ACAN: variants seen among roughly 807,000 people sequenced by gnomAD.
ACAN encodes aggrecan, also known as aggrecan core protein.
ACAN carries 47 observed loss-of-function variants against 169.1 expected under a neutral mutation model. That is an observed-to-expected ratio of 0.28 (90% CI 0.22 to 0.35). ACAN has a LOEUF of 0.35. Ranked by LOEUF, ACAN falls within the 10% of genes least tolerant of loss-of-function variation. The pLI, the probability that ACAN is intolerant of heterozygous loss-of-function variation, is 1.00. For missense variants in ACAN, 2,716 were observed against 2,759.9 expected, an observed-to-expected ratio of 0.98 and a Z score of 0.36; for synonymous variants, 1,115 against 1,112.2, an observed-to-expected ratio of 1.00 and a Z score of -0.05.
rs1160808564 is a variant in ACAN, at chr15:88,845,880, G to A, written c.1427G>A (p.Gly476Glu). 3.4e-6 allele frequency: 5 copies of A among 1,450,922 alleles called. No individual in the cohort carries two copies. Among genetic ancestry groups the A allele is most frequent in the African/African-American group, 1.4e-5 (1 of 69,886 alleles). The allele number at this position is 1,450,922 out of a possible 1,614,324, so 89.9% of individuals were successfully genotyped here. The change falls in exon 7 of 19, where the codon GGG (glycine) becomes GAG (glutamate). Residue 476 changes from glycine to glutamate, a missense_variant and splice_region_variant. Coordinates refer to ENST00000560601, the MANE Select transcript of ACAN (RefSeq NM_001369268.1). ...TAVPGQPHLP[G>E]GVVFHYRPGP... ...GTCCCTGGGCAGCCGCATTTGCCAG[G>A]GGGTAAGTAGCTGCCCGTGGGTGCA...
chr15:88,805,124 T>G (rs749871435), intron 1 of ACAN, among the ~76,000 whole-genome samples: 2 of 152,210 alleles, frequency 1.3e-5, no homozygotes, highest in African/African-American at 2.4e-5. Flanking sequence ...GAGTCCAGAA[T>G]TCTTGGGTTC....
chr15:88,805,720 T>G (rs945295272), intron 1 of ACAN, among the ~76,000 whole-genome samples: 5 of 152,248 alleles, frequency 3.3e-5, no homozygotes, highest in African/African-American at 1.2e-4. Context: ...TTATTAATAT[T>G]ACTATTATCA....
rs137976779 is a variant in ACAN, at chr15:88,874,869, T to G, written c.*388T>G. The stretch of plus-strand genomic sequence containing the variant: ...CAAGAGCAGTGCAATCGTTGGTTAT[T>G]TCACCTCCAGGGAGAGCTAGGGAGG... On this transcript the variant is annotated 3_prime_UTR_variant, in exon 19 of 19. Coordinates refer to ENST00000560601, the MANE Select transcript of ACAN (RefSeq NM_001369268.1). The surrounding 1 kb of genome is among the most constrained non-coding windows in gnomAD (Gnocchi z 7.3). 6.0e-5 allele frequency: 21 copies of G among 352,392 alleles called. No individual in the cohort carries two copies. The highest frequency in any genetic ancestry group is 1.1e-4 in the Non-Finnish European group (19 of 180,242). 21.8% of individuals were successfully genotyped at this position (352,392 alleles called of 1,614,324 possible). A position where few individuals can be genotyped will look rare whatever the true frequency, so the allele number is the denominator to read the frequency against.
intron 1 of ACAN, among the ~76,000 whole-genome samples, chr15:88,812,117 A>C (rs1264776827): frequency 1.3e-5 from 2 of 152,164 alleles, no homozygotes; most frequent in African/African-American, 4.8e-5. Context: ...GGAGGAGCCT[A>C]GCCCTCGGGT....
chr15:88,858,918 C>T lies in ACAN; in HGVS notation c.6333C>T (p.Phe2111=), dbSNP rs1334810359. The T allele has an allele frequency of 8.1e-6, 13 of 1,608,922 alleles. No homozygotes were observed. The highest frequency in any genetic ancestry group is 2.7e-5 in the African/African-American group (2 of 74,680). The change falls in exon 12 of 19, where the codon TTC becomes TTT. Residue 2111 remains phenylalanine, a synonymous_variant. Coordinates refer to ENST00000560601, the MANE Select transcript of ACAN (RefSeq NM_001369268.1). This position sits in a 1 kb window ranked among gnomAD's most constrained non-coding sequence, Gnocchi z 4.0. ...CGTCCGCCTATCCTGAAGCTGGGTT[C>T]GGGGCATCTGCCGCCCCTGAGGCCA... ...SETSAYPEAG[F]GASAAPEASR...
Position 88,874,267 on chromosome 15 carries a change from A to C in ACAN, c.7631-138A>C. The C allele has an allele frequency of 9.3e-7, 1 of 1,074,998 alleles. No individual in the cohort carries two copies. Among genetic ancestry groups the C allele is most frequent in the East Asian group, 2.6e-5 (1 of 38,706 alleles). The allele number at this position is 1,074,998 out of a possible 1,614,324, so 66.6% of individuals were successfully genotyped here. A position where few individuals can be genotyped will look rare whatever the true frequency, so the allele number is the denominator to read the frequency against. ...AGCCAGAAAGTCCAAGAAAAATCCA[A>C]ATCAGGAAAGCCGATAAAGCCTCAG... On this transcript the variant is annotated intron_variant, in intron 18 of 18. Coordinates refer to ENST00000560601, the MANE Select transcript of ACAN (RefSeq NM_001369268.1). The surrounding 1 kb of genome is among the most constrained non-coding windows in gnomAD (Gnocchi z 7.3).
At chr15:88,834,102 C>G (rs1896439707) in intron 1 of ACAN, among the ~76,000 whole-genome samples, 1 of 152,158 alleles carries the variant, frequency 6.6e-6, no homozygotes, top group South Asian at 2.1e-4. Flanking sequence ...GGTGCCACAG[C>G]CTGCAGCCAG....
chr15:88,818,511 C>G (rs192428126), intron 1 of ACAN, among the ~76,000 whole-genome samples: 66 of 152,312 alleles, frequency 4.3e-4, no homozygotes, highest in African/African-American at 1.6e-3. Flanking sequence ...TCCCTTGTTT[C>G]TCTTATGGTG....
chr15:88,816,909 A>T (rs1389200904), intron 1 of ACAN, among the ~76,000 whole-genome samples: 2 of 152,218 alleles, frequency 1.3e-5, no homozygotes, highest in African/African-American at 4.8e-5. Flanking sequence ...TCTGTTGAAC[A>T]CAGTAACAGA....
intron 13 of ACAN, among the ~76,000 whole-genome samples, chr15:88,867,676 A>C (rs1270860305): frequency 2.6e-5 from 4 of 152,192 alleles, no homozygotes; most frequent in Non-Finnish European, 5.9e-5. Context: ...TTTCATATGG[A>C]TCTACACTCT....
chr15:88,852,221 G>C (rs1408764012), intron 11 of ACAN, among the ~76,000 whole-genome samples, 188 bp downstream of exon 11: 2 of 152,202 alleles, frequency 1.3e-5, no homozygotes, highest in Non-Finnish European at 2.9e-5. Context: ...CTGCCCCAGA[G>C]TGACAAAAAC....
chr15:88,847,237 A>G lies in ACAN; in HGVS notation c.1430-6A>G. 6.5e-7 allele frequency: 1 copy of G among 1,540,964 alleles called. No homozygotes were observed. Among genetic ancestry groups the G allele is most frequent in the African/African-American group, 1.4e-5 (1 of 72,954 alleles). ...TGAACCTGACCGCTCCCTCCTCCCCACCCAGGGGTCGTCTTCCACTACCGC... is the reference window on the plus strand; with the variant it reads ...TGAACCTGACCGCTCCCTCCTCCCCGCCCAGGGGTCGTCTTCCACTACCGC... On this transcript the variant is annotated splice_polypyrimidine_tract_variant and splice_region_variant and intron_variant, in intron 7 of 18. Transcript: ENST00000560601.
chr15:88,846,315 TGTGGCCA>T (rs768024609), intron 7 of ACAN, among the ~76,000 whole-genome samples: 2 of 152,190 alleles, frequency 1.3e-5, no homozygotes, highest in Non-Finnish European at 2.9e-5. Flanking sequence ...GCCAGCAAAC[TGTGGCCA>T]GTGGGCTGGG....
intron 4 of ACAN, among the ~76,000 whole-genome samples, chr15:88,840,972 A>G (rs113694992): frequency 0.16 from 23,768 of 151,842 alleles, 2,120 homozygotes; most frequent in South Asian, 0.26. Flanking sequence ...GTGAAACCCC[A>G]TCTCTACTAA....
chr15:88,840,291 T>C lies in ACAN; in HGVS notation c.629+105T>C, dbSNP rs946586434. ...GGCCAGCACTGAGCTGGTGCCAGCA[T>C]GACACTGTGGCCAGCCTAGGTTAGA... is the stretch of plus-strand genomic sequence containing the variant. On this transcript the variant is annotated intron_variant, in intron 4 of 18. Coordinates refer to ENST00000560601, the MANE Select transcript of ACAN (RefSeq NM_001369268.1). The C allele has an allele frequency of 4.4e-6, 6 of 1,374,650 alleles. No homozygotes were observed. In the African/African-American group the frequency reaches 7.2e-5, roughly 17 times the overall value. 85.2% of individuals were successfully genotyped at this position (1,374,650 alleles called of 1,614,324 possible).
Position 88,845,623 on chromosome 15 carries a change from G to C in ACAN, c.1170G>C (p.Glu390Asp). The part of the protein sequence containing the change: ...MELPLPRNIT[E>D]GEARGSVILT... Reference sequence around the variant, plus strand: ...TGCCACTGCCTCGAAACATCACTGAGGGTGAAGCCCGAGGCAGCGTGATCC... The same window carrying C: ...TGCCACTGCCTCGAAACATCACTGACGGTGAAGCCCGAGGCAGCGTGATCC... Residue 390 changes from glutamate (E) to aspartate (D), a missense_variant, in exon 7 of 19, where the codon GAG (glutamate) becomes GAC (aspartate). Glu to Asp is a conservative substitution (Grantham distance 45, BLOSUM62 2). This residue lies in a region of ACAN where 1,283 missense variants were observed against 1,281.5 expected (regional missense o/e 1.00). Transcript: ENST00000560601. The C allele has an allele frequency of 1.2e-6, 2 of 1,614,064 alleles. No homozygotes were observed. Among genetic ancestry groups the C allele is most frequent in the Non-Finnish European group, 1.7e-6 (2 of 1,179,894 alleles).
chr15:88,871,237 C>T lies in ACAN; in HGVS notation c.7061-145C>T, dbSNP rs1404162629. ...GGACCAGACCAGTTTCCAACCTGAA[C>T]TCCTCCAGCTGTGCCTCTCCCTTCC... On this transcript the variant is annotated intron_variant, in intron 14 of 18. Transcript: ENST00000560601. The surrounding 1 kb of genome is among the most constrained non-coding windows in gnomAD (Gnocchi z 7.8). 1.7e-6 allele frequency: 2 copies of T among 1,173,464 alleles called. No individual in the cohort carries two copies. Among genetic ancestry groups the T allele is most frequent in the Non-Finnish European group, 2.4e-6 (2 of 840,198 alleles). The allele number at this position is 1,173,464 out of a possible 1,614,324, so 72.7% of individuals were successfully genotyped here. A position where few individuals can be genotyped will look rare whatever the true frequency, so the allele number is the denominator to read the frequency against.
intron 1 of ACAN, among the ~76,000 whole-genome samples, chr15:88,826,232 G>A (rs1166381548): frequency 6.6e-6 from 1 of 152,160 alleles, no homozygotes; most frequent in Non-Finnish European, 1.5e-5. Flanking sequence ...TGTAGGTGCT[G>A]GCTGAGACAT....
chr15:88,828,903 G>C (rs529032334), intron 1 of ACAN, among the ~76,000 whole-genome samples: 1 of 152,326 alleles, frequency 6.6e-6, no homozygotes, highest in South Asian at 2.1e-4. Context: ...ATACAGGTTT[G>C]TCTGCACTCA....
Sources: gnomAD v4.1 joint callset for allele counts (sites outside exome capture counted in the v4.1 genomes callset) on GRCh38, gnomAD v4.1.1 for gene constraint, gnomAD v4.1.1 regional missense constraint, Gnocchi (gnomAD v3.1) non-coding constraint, MANE v1.5 for transcripts, NCBI Gene and HGNC (gene_info 2026-07-23, HGNC 2026-07-21) for gene names.